The following SCARA5 variants were observed in gnomAD, a reference collection of about 807,000 sequenced individuals.
The protein encoded by SCARA5 is scavenger receptor class A member 5, also known as scavenger receptor class A, member 5 (putative).
A neutral mutation model predicts 46.3 loss-of-function variants in SCARA5; 45 were observed. That is an observed-to-expected ratio of 0.97 (90% CI 0.76 to 1.24). The LOEUF is 1.24. Ranked by LOEUF, SCARA5 falls within the 50% of genes most tolerant of loss-of-function variation. SCARA5 has a pLI of 0.00. For synonymous variants in SCARA5, 333 were observed against 306.5 expected (o/e 1.09, Z -0.90); for missense variants, 680 against 689.0 (o/e 0.99, Z 0.15).
chr8:27,931,199 G>A (rs1185193698), intron 3 of SCARA5, among the ~76,000 whole-genome samples: 2 of 152,230 alleles, frequency 1.3e-5, no homozygotes, highest in Non-Finnish European at 2.9e-5. Flanking sequence ...CTGGGATGCA[G>A]GAGAAAACCA....
intron 1 of SCARA5, among the ~76,000 whole-genome samples, chr8:27,990,502 G>A (rs900906944): frequency 7.2e-5 from 11 of 152,144 alleles, no homozygotes; most frequent in East Asian, 1.9e-4. Context: ...TTTGCATTCC[G>A]TCCCTCCCAT....
intron 6 of SCARA5, among the ~76,000 whole-genome samples, chr8:27,906,366 G>GTTCCCCTAACGTAA (rs1807262098): frequency 6.6e-6 from 1 of 152,256 alleles, no homozygotes; most frequent in African/African-American, 2.4e-5. Flanking sequence ...TAAACAAGGG[G>GTTCCCCTAACGTAA]ACTGCCTACA....
At chr8:27,981,095 C>T (rs1438022546) in intron 2 of SCARA5, among the ~76,000 whole-genome samples, 1 of 152,132 alleles carries the variant, frequency 6.6e-6, no homozygotes, top group East Asian at 1.9e-4. Flanking sequence ...CTACTGTGTG[C>T]AAGGCGCTTT....
chr8:27,915,312 G>C (rs1245700058), intron 4 of SCARA5, among the ~76,000 whole-genome samples: 1 of 152,282 alleles, frequency 6.6e-6, no homozygotes, highest in South Asian at 2.1e-4. Flanking sequence ...CCTTGCTACC[G>C]TCCTCCGAGC....
intron 7 of SCARA5, among the ~76,000 whole-genome samples, chr8:27,904,090 T>G (rs1807209710): frequency 6.6e-6 from 1 of 152,284 alleles, no homozygotes; most frequent in East Asian, 1.9e-4. Flanking sequence ...CTGATCCCCT[T>G]GTCAACATTC....
chr8:27,898,599 G>T (rs959274921), intron 7 of SCARA5, among the ~76,000 whole-genome samples: 1 of 152,206 alleles, frequency 6.6e-6, no homozygotes, highest in African/African-American at 2.4e-5. Flanking sequence ...CATCTCTTGT[G>T]AGAAACTTTG....
chr8:27,984,860 C>T (rs1808680965), intron 2 of SCARA5, among the ~76,000 whole-genome samples: 1 of 152,114 alleles, frequency 6.6e-6, no homozygotes, highest in Non-Finnish European at 1.5e-5. Flanking sequence ...GCTATCCATC[C>T]ATCCATCCAT....
At chr8:27,872,474 A>T (rs1806654916) in intron 8 of SCARA5, among the ~76,000 whole-genome samples, 1 of 152,224 alleles carries the variant, frequency 6.6e-6, no homozygotes, top group African/African-American at 2.4e-5. Context: ...TAACAGATGA[A>T]CTAAGTGGCT....
intron 2 of SCARA5, among the ~76,000 whole-genome samples, chr8:27,981,887 G>A (rs1808621516): frequency 6.6e-6 from 1 of 152,196 alleles, no homozygotes; most frequent in South Asian, 2.1e-4. Flanking sequence ...TGTAAACGGC[G>A]GTGACTCTTC....
At chr8:27,978,137 C>A (rs1808556114) in intron 2 of SCARA5, among the ~76,000 whole-genome samples, 1 of 150,202 alleles carries the variant, frequency 6.7e-6, no homozygotes, top group African/African-American at 2.5e-5. Flanking sequence ...AGCAATGATC[C>A]TGCCTCAGCC....
chr8:27,890,787 T>C (rs1806968418), intron 7 of SCARA5, among the ~76,000 whole-genome samples: 2 of 152,274 alleles, frequency 1.3e-5, no homozygotes, highest in South Asian at 4.1e-4. Context: ...GCTGCCCTTC[T>C]GAAGGTCATT....
At chr8:27,982,474 T>G (rs1263018986) in intron 2 of SCARA5, among the ~76,000 whole-genome samples, 2 of 152,132 alleles carry the variant, frequency 1.3e-5, no homozygotes, top group Non-Finnish European at 2.9e-5. Flanking sequence ...CAGAGGCCGC[T>G]AGAGGCAGCT....
In SCARA5 at chr8:27,870,756, C is replaced by G. The variant is rs535610243; in HGVS notation, c.*1178G>C. ...GCCCCTTATTCCTACTCCCCACCCC[C>G]AGAGGTTATAGGGAATCTTCATTTC... On this transcript the variant is annotated 3_prime_UTR_variant, in exon 9 of 9. Transcript: ENST00000354914. 6.6e-5 allele frequency: 10 copies of G among 152,334 alleles called. No homozygotes were observed. In the South Asian group the frequency reaches 2.1e-3, roughly 32 times the overall value. The allele number at this position is 152,334 out of a possible 1,614,324, so 9.4% of individuals were successfully genotyped here. A position where few individuals can be genotyped will look rare whatever the true frequency, so the allele number is the denominator to read the frequency against.
chr8:27,891,274 C>T (rs192668524), intron 7 of SCARA5, among the ~76,000 whole-genome samples: 8 of 151,426 alleles, frequency 5.3e-5, no homozygotes, highest in Non-Finnish European at 1.2e-4. Flanking sequence ...GGCACAATCT[C>T]GGCTCACTGC....
intron 3 of SCARA5, among the ~76,000 whole-genome samples, chr8:27,941,107 A>G (rs1807938154): frequency 6.6e-6 from 1 of 152,186 alleles, no homozygotes; most frequent in African/African-American, 2.4e-5. Context: ...GTTAAAAAAA[A>G]AACCCACAAT....
intron 4 of SCARA5, 77 bp downstream of exon 4, chr8:27,921,494 T>C: frequency 7.7e-7 from 1 of 1,292,136 alleles, no homozygotes; most frequent in African/African-American, 1.5e-5. Context: ...TACTCCTGGG[T>C]CCTTGGGGAG....
At chr8:27,897,376 T>C (rs1269729512) in intron 7 of SCARA5, among the ~76,000 whole-genome samples, 1 of 152,252 alleles carries the variant, frequency 6.6e-6, no homozygotes, top group Admixed American at 6.5e-5. Context: ...TTGTTTGAAA[T>C]GTTTTCTAAA....
chr8:27,985,372 T>C (rs1808690575), intron 2 of SCARA5, among the ~76,000 whole-genome samples: 2 of 152,192 alleles, frequency 1.3e-5, no homozygotes, highest in South Asian at 2.1e-4. Flanking sequence ...AAGTCAGAGA[T>C]TCCCTGCCAA....
chr8:27,934,160 C>T (rs1035889283), intron 3 of SCARA5, among the ~76,000 whole-genome samples: 2 of 152,134 alleles, frequency 1.3e-5, no homozygotes, highest in African/African-American at 4.8e-5. Flanking sequence ...GGGCTTAGAG[C>T]TGGTAGGTGC....
Sources: gnomAD v4.1 joint callset for allele counts (sites outside exome capture counted in the v4.1 genomes callset) on GRCh38, gnomAD v4.1.1 for gene constraint, MANE v1.5 for transcripts, NCBI Gene and HGNC (gene_info 2026-07-23, HGNC 2026-07-21) for gene names.